The following ZNF892 variants were observed in gnomAD, a reference collection of about 807,000 sequenced individuals.
ZNF892 encodes the protein zinc finger protein 892, also known as zinc finger protein 570-like.
the ZNF892 span, among the ~76,000 whole-genome samples, chr2:95,219,613 G>A: frequency 4.6e-5 from 7 of 152,148 alleles, no homozygotes; most frequent in Admixed American, 3.9e-4. Context: ...GATTTTCTTG[G>A]TTCTTGGTAT....
chr2:95,226,499 G>A, the ZNF892 span, among the ~76,000 whole-genome samples: 1 of 152,122 alleles, frequency 6.6e-6, no homozygotes, highest in Non-Finnish European at 1.5e-5. Context: ...ACTTTGGTTC[G>A]ACTTAGCTTC....
chr2:95,210,167 GTA>G, the ZNF892 span, among the ~76,000 whole-genome samples: 3 of 148,342 alleles, frequency 2.0e-5, no homozygotes, highest in Non-Finnish European at 4.5e-5. Context: ...GTGTATATAT[GTA>G]TATATGTGTA....
the ZNF892 span, among the ~76,000 whole-genome samples, chr2:95,207,229 C>G: frequency 6.6e-6 from 1 of 152,198 alleles, no homozygotes; most frequent in Non-Finnish European, 1.5e-5. Context: ...GGGAAGGATC[C>G]TGCGTAGGTC....
chr2:95,263,490 A>G, the ZNF892 span, among the ~76,000 whole-genome samples: 1 of 152,258 alleles, frequency 6.6e-6, no homozygotes, highest in Non-Finnish European at 1.5e-5. Context: ...AAACCTGATC[A>G]CTTTCACATA....
At chr2:95,217,823 G>A in the ZNF892 span, among the ~76,000 whole-genome samples, 1 of 152,136 alleles carries the variant, frequency 6.6e-6, no homozygotes, top group East Asian at 1.9e-4. Flanking sequence ...GCCTCTGCAG[G>A]ACAATTCTGC....
the ZNF892 span, among the ~76,000 whole-genome samples, chr2:95,219,347 C>A: frequency 2.0e-5 from 3 of 152,008 alleles, no homozygotes; most frequent in Non-Finnish European, 4.4e-5. Context: ...CTAGATCTTC[C>A]CTCTGTCCTT....
At chr2:95,230,055 A>G in the ZNF892 span, among the ~76,000 whole-genome samples, 1 of 152,202 alleles carries the variant, frequency 6.6e-6, no homozygotes, top group Non-Finnish European at 1.5e-5. Flanking sequence ...GGAATGAAAT[A>G]ATGGCATTCA....
At chr2:95,209,501 C>G in the ZNF892 span, among the ~76,000 whole-genome samples, 2 of 152,194 alleles carry the variant, frequency 1.3e-5, no homozygotes, top group African/African-American at 4.8e-5. Flanking sequence ...AGTAAAGATG[C>G]TTCTGTAAGA....
the ZNF892 span, chr2:95,211,499 G>A: frequency 7.6e-6 from 3 of 394,892 alleles, no homozygotes; most frequent in African/African-American, 6.2e-5. Context: ...CCAAGGCCAT[G>A]TTGTCTGTCC....
the ZNF892 span, among the ~76,000 whole-genome samples, chr2:95,232,665 G>A: frequency 6.6e-6 from 1 of 152,140 alleles, no homozygotes; most frequent in Non-Finnish European, 1.5e-5. Flanking sequence ...ACTGTAAGGA[G>A]GTCAGTCTCT....
At chr2:95,219,404 T>C in the ZNF892 span, among the ~76,000 whole-genome samples, 1 of 152,218 alleles carries the variant, frequency 6.6e-6, no homozygotes, top group Admixed American at 6.5e-5. Flanking sequence ...TCAGTTATTG[T>C]ATTTTTCAGT....
chr2:95,209,699 T>A, the ZNF892 span, among the ~76,000 whole-genome samples: 6 of 152,290 alleles, frequency 3.9e-5, no homozygotes, highest in South Asian at 2.1e-4. Flanking sequence ...GGAGAGAAAG[T>A]AGCACCTGCT....
At chr2:95,211,207 T>A in the ZNF892 span, among the ~76,000 whole-genome samples, 2 of 152,168 alleles carry the variant, frequency 1.3e-5, no homozygotes, top group Non-Finnish European at 2.9e-5. Flanking sequence ...AGAGAAAAAA[T>A]ACTTCAATTT....
the ZNF892 span, among the ~76,000 whole-genome samples, chr2:95,206,497 G>T: frequency 6.6e-6 from 1 of 152,272 alleles, no homozygotes; most frequent in South Asian, 2.1e-4. Flanking sequence ...TAATTCTACA[G>T]AAGTAAAAAC....
At chr2:95,262,624 A>G in the ZNF892 span, among the ~76,000 whole-genome samples, 1 of 152,234 alleles carries the variant, frequency 6.6e-6, no homozygotes, top group East Asian at 1.9e-4. Flanking sequence ...TGAAGTAACC[A>G]CAAGGTTAGA....
At chr2:95,207,913 G>C in the ZNF892 span, 1 of 398,452 alleles carries the variant, frequency 2.5e-6, no homozygotes, top group Non-Finnish European at 4.4e-6. Flanking sequence ...GGCTGGCGCA[G>C]GCTCAGGAAG....
the ZNF892 span, among the ~76,000 whole-genome samples, chr2:95,226,330 G>C: frequency 9.8e-5 from 15 of 152,338 alleles, 1 homozygote; most frequent in South Asian, 3.1e-3. Context: ...AAGTTAGTCT[G>C]GTGAGGATCG....
the ZNF892 span, among the ~76,000 whole-genome samples, chr2:95,235,788 G>C: frequency 1.3e-5 from 2 of 152,144 alleles, no homozygotes; most frequent in African/African-American, 4.8e-5. Flanking sequence ...TTCAGGAAAA[G>C]GGAAGTTTTA....
At chr2:95,236,658 T>C in the ZNF892 span, among the ~76,000 whole-genome samples, 2 of 152,232 alleles carry the variant, frequency 1.3e-5, no homozygotes, top group Non-Finnish European at 2.9e-5. Context: ...TCTTTGAAGA[T>C]GAAACACTTT....
Sources: allele counts gnomAD v4.1 joint callset (sites outside exome capture counted in the v4.1 genomes callset), GRCh38; gene constraint gnomAD v4.1.1; transcripts MANE v1.5; gene names NCBI Gene and HGNC (gene_info 2026-07-23, HGNC 2026-07-21).